Variants in CYP2F1 observed in about 807,000 individuals in gnomAD.
CYP2F1 encodes cytochrome P450 2F1.
CYP2F1 carries 33 observed loss-of-function variants against 40.4 expected under a neutral mutation model. The observed-to-expected ratio is 0.82, with a 90% CI of 0.62 to 1.09. The LOEUF is 1.09. CYP2F1 is among the 50% of genes least tolerant of loss of function. The pLI, the probability that CYP2F1 is intolerant of heterozygous loss-of-function variation, is 0.00. For missense variants in CYP2F1, 566 were observed against 655.7 expected, an observed-to-expected ratio of 0.86 and a Z score of 1.49; for synonymous variants, 235 against 277.2, an observed-to-expected ratio of 0.85 and a Z score of 1.51.
Position 41,124,255 on chromosome 19 carries a change from C to CA in CYP2F1, c.965-464_965-463insA, listed in dbSNP as rs1568381420. ...TTTTTTTTTTCCTCTTCCCCCCCCC[C>CA]TTTTTTTTTTTTTTTTTTTTTTTTT... is the stretch of plus-strand genomic sequence containing the variant. On this transcript the variant is annotated intron_variant, in intron 7 of 9. Transcript: ENST00000331105. 1.8e-3 allele frequency among the ~76,000 whole-genome samples: 62 copies of CA among 35,282 alleles called. 2 individuals carry two copies. Among genetic ancestry groups the CA allele is most frequent in the South Asian group, 3.6e-3 (2 of 558 alleles). The allele number at this position is 35,282 out of a possible 152,430, so 23.1% of individuals were successfully genotyped here.
In CYP2F1 at chr19:41,114,451, G is replaced by T. The variant is rs1047022006; in HGVS notation, c.-53G>T. On this transcript the variant is annotated 5_prime_UTR_variant, in exon 1 of 10. The change creates a new upstream start codon in the 5' untranslated region. Transcript: ENST00000331105. The stretch of plus-strand genomic sequence containing the variant: ...CCCCCCAAGCACACCCAGAGCTGCA[G>T]GCTCTAGCGCATCCCAGCCAGTGTC... 2 of 152,248 alleles carry T rather than the reference G, an allele frequency of 1.3e-5. No individual in the cohort carries two copies. Among genetic ancestry groups the T allele is most frequent in the African/African-American group, 4.8e-5 (2 of 41,452 alleles). The allele number at this position is 152,248 out of a possible 1,614,324, so 9.4% of individuals were successfully genotyped here. A position where few individuals can be genotyped will look rare whatever the true frequency, so the allele number is the denominator to read the frequency against.
chr19:41,124,390 A>T (rs1484461588), intron 7 of CYP2F1, among the ~76,000 whole-genome samples: 1 of 150,248 alleles, frequency 6.7e-6, no homozygotes, highest in African/African-American at 2.5e-5. Context: ...CAGCCTCCCA[A>T]GCAGCTGGGA....
chr19:41,124,227 CTTT>C (rs60423713), intron 7 of CYP2F1, among the ~76,000 whole-genome samples: 4 of 56,472 alleles, frequency 7.1e-5, no homozygotes, highest in African/African-American at 1.4e-4. Context: ...CTGGCTAATT[CTTT>C]TTTTTTTTTC....
At chr19:41,121,888 A>C (rs2032232612) in intron 5 of CYP2F1, 69 bp from the exon 6 acceptor site, 1 of 1,471,946 alleles carries the variant, frequency 6.8e-7, no homozygotes, top group Non-Finnish European at 9.3e-7. Context: ...CCTAATCCAC[A>C]CTGACCCCAT....
Position 41,121,531 on chromosome 19 carries a change from C to T in CYP2F1, c.558C>T (p.Ser186=), listed in dbSNP as rs2032201760. 2 of 1,609,704 alleles carry T rather than the reference C, an allele frequency of 1.2e-6. No homozygotes were observed. The highest frequency in any genetic ancestry group is 1.4e-5 in the African/African-American group (1 of 71,934). The change falls in exon 5 of 10, where the codon AGC becomes AGT. Residue 186 remains serine, a synonymous_variant. Transcript: ENST00000331105. ...SNIICSVLFG[S]RFDYDDERLL... is the part of the protein sequence containing the mutation. ...TTATCTGTTCCGTGCTCTTCGGCAG[C>T]CGCTTCGACTATGATGATGAGCGTC...
In CYP2F1 at chr19:41,122,087, G is replaced by T; in HGVS notation, c.776G>T (p.Arg259Ile). ...VHDHQASLDPRSPRDFIQCFL... is the reference protein window; with the variant it reads ...VHDHQASLDPISPRDFIQCFL... ...GACCACCAGGCCTCGCTAGACCCCA[G>T]ATCTCCCCGGGACTTCATCCAGTGC... The change falls in exon 6 of 10, where the codon AGA becomes ATA. Residue 259 changes from arginine to isoleucine, a missense_variant. By Grantham distance (97) the Arg-to-Ile change is moderately conservative. Around this residue, in one of 5 missense-constraint regions of CYP2F1, gnomAD observed 62 missense variants for 105.6 expected, o/e 0.59. Coordinates refer to ENST00000331105, the MANE Select transcript of CYP2F1 (RefSeq NM_000774.5). 1.1e-5 allele frequency: 17 copies of T among 1,570,878 alleles called. 2 individuals are homozygous for T. The highest frequency in any genetic ancestry group is 1.5e-5 in the Non-Finnish European group (17 of 1,147,198).
At chr19:41,116,119 G>A in intron 1 of CYP2F1, 59 bp from the exon 2 acceptor site, 2 of 1,505,240 alleles carry the variant, frequency 1.3e-6, no homozygotes, top group Admixed American at 1.9e-5. Flanking sequence ...AGTCCCAGGG[G>A]AGATGGAAAG....
chr19:41,126,553 A>T lies in CYP2F1; in HGVS notation c.1294+919A>T, dbSNP rs371162809. On this transcript the variant is annotated intron_variant, in intron 9 of 9. Transcript: ENST00000331105. ...GATCGCTTGAGGCCAGGAGTTCAAG[A>T]CCAGCCTGGACAACATGGCAAGACC... 3.9e-5 allele frequency among the ~76,000 whole-genome samples: 6 copies of T among 152,152 alleles called. No individual in the cohort carries two copies. In the East Asian group the frequency reaches 9.6e-4, roughly 24 times the overall value.
At chr19:41,120,125 G>A (rs1039959396) in intron 3 of CYP2F1, among the ~76,000 whole-genome samples, 1 of 151,982 alleles carries the variant, frequency 6.6e-6, no homozygotes, top group African/African-American at 2.4e-5. Flanking sequence ...TCTTAATGGG[G>A]AAACAGAGGC....
chr19:41,116,420 A>T (rs777504485), intron 2 of CYP2F1, 35 bp from the exon 3 acceptor site: 1 of 1,607,754 alleles, frequency 6.2e-7, no homozygotes, highest in South Asian at 1.1e-5. Context: ...CCATGGCCAC[A>T]GGCCCCCCTG....
Position 41,119,683 on chromosome 19 carries a change from GTCTC to G in CYP2F1, c.335-626_335-623del, listed in dbSNP as rs1159535426. Among the ~76,000 whole-genome samples the G allele has an allele frequency of 6.9e-3, 93 of 13,386 alleles. 2 individuals are homozygous for G. Among genetic ancestry groups the G allele is most frequent in the East Asian group, 0.016 (5 of 310 alleles). 8.8% of individuals were successfully genotyped at this position (13,386 alleles called of 152,430 possible). The stretch of plus-strand genomic sequence containing the variant: ...CAGCCTGGCAACAGAGCAAGACTCC[GTCTC>G]TCTCTCTCTCTCTCTCTCTCTCTCT... On this transcript the variant is annotated intron_variant, in intron 3 of 9. Transcript: ENST00000331105.
At chr19:41,120,539 T>C (rs2032135639) in intron 4 of CYP2F1, 43 bp downstream of exon 4, 2 of 1,602,914 alleles carry the variant, frequency 1.2e-6, no homozygotes, top group Non-Finnish European at 8.5e-7. Context: ...CGATCTTTTT[T>C]TTTTTTAACA....
At chr19:41,127,105 A>G (rs2032575038) in intron 9 of CYP2F1, among the ~76,000 whole-genome samples, 1 of 152,150 alleles carries the variant, frequency 6.6e-6, no homozygotes, top group Admixed American at 6.5e-5. Context: ...TTTGCATCCC[A>G]TCTGTCACCC....
rs1049377561 is a variant in CYP2F1, at chr19:41,122,242, C to T, written c.822+109C>T. On this transcript the variant is annotated intron_variant, in intron 6 of 9. Transcript: ENST00000331105. Reference sequence around the variant, plus strand: ...TGGGGCAGGGTTGGGGGACCTTCTCCCTGGAGAAGCTGAAGCATCTGGCCC... The same window carrying T: ...TGGGGCAGGGTTGGGGGACCTTCTCTCTGGAGAAGCTGAAGCATCTGGCCC... 8.6e-6 allele frequency: 9 copies of T among 1,050,936 alleles called. No homozygotes were observed. The African/African-American group carries it at 1.3e-4, about 15-fold the overall frequency. 65.1% of individuals were successfully genotyped at this position (1,050,936 alleles called of 1,614,324 possible). A position where few individuals can be genotyped will look rare whatever the true frequency, so the allele number is the denominator to read the frequency against.
At chr19:41,126,617 T>C (rs1207695424) in intron 9 of CYP2F1, among the ~76,000 whole-genome samples, 2 of 151,358 alleles carry the variant, frequency 1.3e-5, no homozygotes, top group Non-Finnish European at 2.9e-5. Flanking sequence ...CTAGATGTGG[T>C]GTGGTGTGCA....
chr19:41,127,791 T>A (rs1442999791), intron 9 of CYP2F1, 110 bp from the exon 10 acceptor site: 2 of 747,398 alleles, frequency 2.7e-6, no homozygotes, highest in African/African-American at 3.6e-5. Flanking sequence ...ATCTGTGACG[T>A]CCCCAGCTGC....
At chr19:41,121,081 T>C (rs1292039176) in intron 4 of CYP2F1, among the ~76,000 whole-genome samples, 2 of 152,032 alleles carry the variant, frequency 1.3e-5, no homozygotes, top group Admixed American at 6.6e-5. Context: ...TCACTGCGTG[T>C]CGTGTGTTGG....
Position 41,121,459 on chromosome 19 carries a change from C to A in CYP2F1, c.486C>A (p.Gly162=). ...ATCCATTGCACTCCTTACCCTCAGG[C>A]GAGCCCTTTGACCCCACGTTTGTGC... ...FLLAELRKTE[G]EPFDPTFVLS... Residue 162 remains glycine, a splice_region_variant and synonymous_variant, in exon 5 of 10, where the codon GGC becomes GGA. Coordinates refer to ENST00000331105, the MANE Select transcript of CYP2F1 (RefSeq NM_000774.5). 6.2e-7 allele frequency: 1 copy of A among 1,608,774 alleles called. No individual in the cohort carries two copies. The highest frequency in any genetic ancestry group is 1.1e-5 in the South Asian group (1 of 90,718).
In CYP2F1 at chr19:41,125,744, G is replaced by A. The variant is rs759752833; in HGVS notation, c.1294+110G>A. 8 of 1,612,214 alleles carry A rather than the reference G, an allele frequency of 5.0e-6. No homozygotes were observed. In the African/African-American group the frequency reaches 1.1e-4, roughly 22 times the overall value. ...TTCCTTCCACCCATTCTCAGCTTTG[G>A]ATGCACAGAGACATTCATTCCTCCT... On this transcript the variant is annotated intron_variant, in intron 9 of 9. Transcript: ENST00000331105.
Sources: allele counts gnomAD v4.1 joint callset (sites outside exome capture counted in the v4.1 genomes callset), GRCh38; gene constraint gnomAD v4.1.1; regional missense constraint gnomAD v4.1.1; transcripts MANE v1.5; gene names NCBI Gene and HGNC (gene_info 2026-07-23, HGNC 2026-07-21).